The following MLXIP variants were observed in gnomAD, a reference collection of about 807,000 sequenced individuals.
MLXIP encodes the protein MLX-interacting protein.
A neutral mutation model predicts 87.2 loss-of-function variants in MLXIP; 30 were observed. The ratio of observed to expected loss-of-function variants is 0.34; its 90% CI spans 0.26 to 0.47. The LOEUF (loss-of-function observed/expected upper bound fraction) is 0.47. Ranked by LOEUF, MLXIP falls within the 20% of genes least tolerant of loss-of-function variation. The pLI, the probability that MLXIP is intolerant of heterozygous loss-of-function variation, is 1.00. For synonymous variants in MLXIP, 530 were observed against 514.0 expected, an observed-to-expected ratio of 1.03 and a Z score of -0.42; for missense variants, 1,002 against 1,240.1, an observed-to-expected ratio of 0.81 and a Z score of 2.88.
chr12:122,132,173 C>G, intron 7 of MLXIP, 119 bp from the exon 8 acceptor site: 1 of 694,934 alleles, frequency 1.4e-6, no homozygotes, highest in Non-Finnish European at 2.5e-6. Context: ...CTGCCTACCT[C>G]GGCCTCCCAA....
chr12:122,105,080 C>G (rs537760884), intron 1 of MLXIP, among the ~76,000 whole-genome samples: 2 of 152,248 alleles, frequency 1.3e-5, no homozygotes, highest in African/African-American at 4.8e-5. Context: ...TTAGGTGAAA[C>G]ATTTTTGGTG....
intron 16 of MLXIP, 24 bp downstream of exon 16, chr12:122,141,107 G>A: frequency 1.3e-6 from 2 of 1,596,838 alleles, no homozygotes; most frequent in Non-Finnish European, 1.7e-6. Context: ...TGCCAGGGTG[G>A]GGGGCTTCAT....
At chr12:122,094,955 G>A (rs993367667) in intron 1 of MLXIP, among the ~76,000 whole-genome samples, 1 of 149,418 alleles carries the variant, frequency 6.7e-6, no homozygotes, top group Non-Finnish European at 1.5e-5. Flanking sequence ...GTGTATTGGT[G>A]TGTGTTGGTG....
In MLXIP at chr12:122,130,909, A is replaced by T; in HGVS notation, c.976A>T (p.Met326Leu). ...TCCTTTGCAGCCTAACCTGGACTTC[A>T]TGGACACCTTTGAGCCTTTCCAGGG... ...LIPLQPNLDF[M>L]DTFEPFQDLF... is the part of the protein sequence containing the mutation. Residue 326 changes from methionine (M) to leucine (L), a missense_variant, in exon 7 of 17, where the codon ATG (methionine) becomes TTG (leucine). Met to Leu is a conservative substitution (Grantham distance 15, BLOSUM62 2). Around this residue, in one of 3 missense-constraint regions of MLXIP, gnomAD observed 746 missense variants for 897.0 expected, o/e 0.83. Coordinates refer to ENST00000319080, the MANE Select transcript of MLXIP (RefSeq NM_014938.6). The T allele has an allele frequency of 6.2e-7, 1 of 1,613,668 alleles. No homozygotes were observed. Among genetic ancestry groups the T allele is most frequent in the Non-Finnish European group, 8.5e-7 (1 of 1,179,604 alleles).
chr12:122,140,573 C>A (rs1206383381), intron 15 of MLXIP, among the ~76,000 whole-genome samples: 6 of 152,168 alleles, frequency 3.9e-5, no homozygotes, highest in Non-Finnish European at 7.3e-5. Context: ...GGATTATAGA[C>A]GTGAGCCACC....
intron 1 of MLXIP, among the ~76,000 whole-genome samples, chr12:122,125,331 C>CA (rs142596040): frequency 0.49 from 72,491 of 146,980 alleles, 17,860 homozygotes; most frequent in Middle Eastern, 0.64. Flanking sequence ...GACTCCATCT[C>CA]AAAAAAAAAA....
At chr12:122,110,539 G>T (rs1025154428) in intron 1 of MLXIP, among the ~76,000 whole-genome samples, 2 of 151,782 alleles carry the variant, frequency 1.3e-5, no homozygotes, top group African/African-American at 4.8e-5. Flanking sequence ...CACCCGCTTC[G>T]GCCTCCTAAA....
At chr12:122,079,351 C>G in intron 1 of MLXIP, 85 bp downstream of exon 1, 1 of 1,223,888 alleles carries the variant, frequency 8.2e-7, no homozygotes, top group East Asian at 2.6e-5. Flanking sequence ...CGCCTGGCAA[C>G]CCCGTGGCTT....
chr12:122,128,057 A>G, intron 3 of MLXIP, 89 bp downstream of exon 3: 1 of 1,133,406 alleles, frequency 8.8e-7, no homozygotes, highest in Non-Finnish European at 1.3e-6. Flanking sequence ...CCTGTAGGAG[A>G]GGCTGCCGAG....
chr12:122,128,221 G>A (rs1952913438), intron 3 of MLXIP: 8 of 448,104 alleles, frequency 1.8e-5, no homozygotes, highest in South Asian at 4.3e-5. Context: ...AATTTTTAAA[G>A]TGTGTGTCTA....
intron 1 of MLXIP, among the ~76,000 whole-genome samples, chr12:122,117,031 G>A (rs1302783704): frequency 1.3e-5 from 2 of 152,116 alleles, no homozygotes; most frequent in Non-Finnish European, 2.9e-5. Flanking sequence ...ATTTTTGGGT[G>A]GTCATGGAAA....
At chr12:122,139,176 G>C (rs969487481) in intron 15 of MLXIP, among the ~76,000 whole-genome samples, 1 of 152,148 alleles carries the variant, frequency 6.6e-6, no homozygotes, top group Admixed American at 6.5e-5. Context: ...AGGTAGAACG[G>C]TGGGCTTCGC....
At position 122,133,530 on chromosome 12, in the gene MLXIP, G is replaced by C. The variant is rs374527589; in HGVS notation, c.1275G>C (p.Pro425=). The change falls in exon 9 of 17, where the codon CCG becomes CCC. Residue 425 remains proline (P), a synonymous_variant. Coordinates refer to ENST00000319080, the MANE Select transcript of MLXIP (RefSeq NM_014938.6). This position sits in a 1 kb window ranked among gnomAD's most constrained non-coding sequence, Gnocchi z 4.9. ...FGPSEPPLSV[P]QPFLPVFTMP... Reference sequence around the variant, plus strand: ...CCTCAGAGCCGCCACTGAGTGTCCCGCAGCCCTTCCTCCCTGTCTTCACCA... The same window carrying C: ...CCTCAGAGCCGCCACTGAGTGTCCCCCAGCCCTTCCTCCCTGTCTTCACCA... 5.0e-5 allele frequency: 80 copies of C among 1,609,450 alleles called. No homozygotes were observed. The Middle Eastern group carries it at 9.9e-4, about 20-fold the overall frequency.
chr12:122,091,966 G>A (rs1952251276), intron 1 of MLXIP, among the ~76,000 whole-genome samples: 1 of 152,212 alleles, frequency 6.6e-6, no homozygotes, highest in African/African-American at 2.4e-5. Context: ...AATCTAGATT[G>A]AATCTGGTTT....
At chr12:122,110,122 C>T (rs778677265) in intron 1 of MLXIP, among the ~76,000 whole-genome samples, 2 of 152,100 alleles carry the variant, frequency 1.3e-5, no homozygotes, top group Admixed American at 6.6e-5. Context: ...ACTGAATTAT[C>T]TCTTGTCTCA....
chr12:122,135,128 G>A lies in MLXIP; in HGVS notation c.1733-96G>A, dbSNP rs764227864. 157 of 1,499,422 alleles carry A rather than the reference G, an allele frequency of 1.0e-4. 1 individual carries two copies. The highest frequency in any genetic ancestry group is 1.4e-4 in the Non-Finnish European group (149 of 1,098,926). The allele number at this position is 1,499,422 out of a possible 1,614,324, so 92.9% of individuals were successfully genotyped here. On this transcript the variant is annotated intron_variant, in intron 9 of 16. Coordinates refer to ENST00000319080, the MANE Select transcript of MLXIP (RefSeq NM_014938.6). The surrounding 1 kb of genome is among the most constrained non-coding windows in gnomAD (Gnocchi z 5.3). ...TTGTCTTCCTGTCCCCTGGGGTTGA[G>A]AACAAGCTGTCTCACTGGCAGAGAG...
intron 1 of MLXIP, among the ~76,000 whole-genome samples, chr12:122,126,393 G>A (rs1385600551): frequency 6.6e-6 from 1 of 152,232 alleles, no homozygotes; most frequent in Non-Finnish European, 1.5e-5. Context: ...GAGGGGCCCT[G>A]AAGGAATCAG....
At chr12:122,117,669 G>A (rs1313372638) in intron 1 of MLXIP, among the ~76,000 whole-genome samples, 1 of 152,090 alleles carries the variant, frequency 6.6e-6, no homozygotes, top group South Asian at 2.1e-4. Context: ...TTTTTTCCTT[G>A]TTTATTTTGA....
chr12:122,102,873 TAG>T (rs1952456902), intron 1 of MLXIP, among the ~76,000 whole-genome samples: 1 of 152,246 alleles, frequency 6.6e-6, no homozygotes, highest in Admixed American at 6.5e-5. Context: ...TGCATTCATG[TAG>T]AGACAGAAAG....
Sources: allele counts gnomAD v4.1 joint callset (sites outside exome capture counted in the v4.1 genomes callset), GRCh38; gene constraint gnomAD v4.1.1; regional missense constraint gnomAD v4.1.1; non-coding constraint Gnocchi (gnomAD v3.1); transcripts MANE v1.5; gene names NCBI Gene and HGNC (gene_info 2026-07-23, HGNC 2026-07-21).